The following BRINP3 variants were observed in gnomAD, a reference collection of about 807,000 sequenced individuals.
The protein encoded by BRINP3 is BMP/retinoic acid inducible neural specific 3.
A neutral mutation model predicts 71.0 loss-of-function variants in BRINP3; 19 were observed. That is an observed-to-expected ratio of 0.27 (90% confidence interval 0.19 to 0.39). The LOEUF is 0.39. BRINP3 is among the 10% of genes least tolerant of loss of function. The pLI is 1.00. For synonymous variants in BRINP3, 380 were observed against 337.7 expected (o/e 1.13, Z -1.37); for missense variants, 959 against 940.8 (o/e 1.02, Z -0.25).
At chr1:190,109,398 G>A (rs1652474031) in intron 7 of BRINP3, among the ~76,000 whole-genome samples, 1 of 152,170 alleles carries the variant, frequency 6.6e-6, no homozygotes, top group Non-Finnish European at 1.5e-5. Flanking sequence ...GTACTTACTA[G>A]AGTTCTGAGT....
intron 1 of BRINP3, among the ~76,000 whole-genome samples, chr1:190,468,798 A>T (rs2102697941): frequency 6.6e-6 from 1 of 151,212 alleles, no homozygotes; most frequent in South Asian, 2.1e-4. Flanking sequence ...GTTGCATAAA[A>T]CAATTAATTT....
At chr1:190,120,506 AT>A (rs1042784530) in intron 7 of BRINP3, among the ~76,000 whole-genome samples, 4 of 151,676 alleles carry the variant, frequency 2.6e-5, no homozygotes, top group Non-Finnish European at 1.5e-5. Flanking sequence ...TAATTAATTT[AT>A]TTTTTTGAGA....
At chr1:190,200,111 C>G (rs1480777103) in intron 6 of BRINP3, among the ~76,000 whole-genome samples, 2 of 152,080 alleles carry the variant, frequency 1.3e-5, no homozygotes, top group Admixed American at 1.3e-4. Context: ...TGTTTCCCTT[C>G]TTTGTAACAG....
chr1:190,156,784 A>G (rs1271214497), intron 7 of BRINP3, among the ~76,000 whole-genome samples: 1 of 152,046 alleles, frequency 6.6e-6, no homozygotes, highest in African/African-American at 2.4e-5. Context: ...GAAGTTTTGG[A>G]AAACAAAGAT....
chr1:190,155,154 T>C (rs1656754791), intron 7 of BRINP3, among the ~76,000 whole-genome samples: 2 of 152,124 alleles, frequency 1.3e-5, no homozygotes, highest in African/African-American at 2.4e-5. Flanking sequence ...AAAGAGCATA[T>C]ATAGGAGTGC....
chr1:190,429,640 G>T lies in BRINP3; in HGVS notation c.236+25015C>A, dbSNP rs573435607. On this transcript the variant is annotated intron_variant, in intron 2 of 7. Transcript: ENST00000367462. Reference sequence around the variant, plus strand: ...GAGTCTTGCTCTGTCACCCAGACTGGAGTGCAATGAGGAGATCTCAGCTCA... The same window carrying T: ...GAGTCTTGCTCTGTCACCCAGACTGTAGTGCAATGAGGAGATCTCAGCTCA... Among the ~76,000 whole-genome samples the T allele has an allele frequency of 1.1e-4, 16 of 149,674 alleles. No individual in the cohort carries two copies. In the South Asian group the frequency reaches 3.4e-3, roughly 32 times the overall value.
intron 6 of BRINP3, among the ~76,000 whole-genome samples, chr1:190,192,695 T>C (rs1654144835): frequency 6.6e-6 from 1 of 151,562 alleles, no homozygotes; most frequent in Non-Finnish European, 1.5e-5. Context: ...AAATTAGCAG[T>C]GTATTTTCTA....
intron 2 of BRINP3, among the ~76,000 whole-genome samples, chr1:190,429,280 A>C (rs1476858772): frequency 6.6e-6 from 1 of 152,174 alleles, no homozygotes; most frequent in Non-Finnish European, 1.5e-5. Flanking sequence ...TTCAGCATAG[A>C]CTGGAAAGAA....
chr1:190,200,294 C>T (rs545048601), intron 6 of BRINP3, among the ~76,000 whole-genome samples: 28 of 152,150 alleles, frequency 1.8e-4, no homozygotes, highest in African/African-American at 6.5e-4. Flanking sequence ...TTGTCTTATG[C>T]CTGGCTATGA....
intron 6 of BRINP3, among the ~76,000 whole-genome samples, chr1:190,171,340 C>T (rs12057206): frequency 0.12 from 18,803 of 152,118 alleles, 1,717 homozygotes; most frequent in South Asian, 0.25. Context: ...GAAAACACTT[C>T]ACACCCTTTA....
chr1:190,182,528 A>G (rs975566382), intron 6 of BRINP3, among the ~76,000 whole-genome samples: 1 of 151,904 alleles, frequency 6.6e-6, no homozygotes, highest in Non-Finnish European at 1.5e-5. Context: ...TCAATTTGGC[A>G]TTTATTTTAT....
chr1:190,305,048 CA>C (rs1664998199), intron 2 of BRINP3, among the ~76,000 whole-genome samples: 1 of 151,600 alleles, frequency 6.6e-6, no homozygotes, highest in South Asian at 2.1e-4. Context: ...AAACACAAAT[CA>C]AAACAATAAT....
chr1:190,399,341 A>G (rs1671782034), intron 2 of BRINP3, among the ~76,000 whole-genome samples: 1 of 152,012 alleles, frequency 6.6e-6, no homozygotes, highest in African/African-American at 2.4e-5. Flanking sequence ...CTTAGTTACT[A>G]AAGTAGCTGA....
intron 7 of BRINP3, among the ~76,000 whole-genome samples, chr1:190,116,585 C>T (rs1169501088): frequency 6.6e-6 from 1 of 151,976 alleles, no homozygotes; most frequent in Non-Finnish European, 1.5e-5. Flanking sequence ...AAATGTTCTT[C>T]CAATATCAGT....
At chr1:190,267,690 A>G (rs1661777394) in intron 3 of BRINP3, among the ~76,000 whole-genome samples, 1 of 152,092 alleles carries the variant, frequency 6.6e-6, no homozygotes, top group Non-Finnish European at 1.5e-5. Context: ...CTTCATGGAA[A>G]AAGAAAATTA....
intron 2 of BRINP3, among the ~76,000 whole-genome samples, chr1:190,351,292 AG>A (rs1297087649): frequency 6.6e-6 from 1 of 152,174 alleles, no homozygotes; most frequent in African/African-American, 2.4e-5. Flanking sequence ...TGGATACAGC[AG>A]GAAGAGTAAT....
chr1:190,156,067 C>A (rs558295526), intron 7 of BRINP3, among the ~76,000 whole-genome samples: 2 of 152,070 alleles, frequency 1.3e-5, no homozygotes, highest in South Asian at 4.2e-4. Context: ...TCAAGGAAAC[C>A]AAATTGTCGC....
At chr1:190,351,861 T>C (rs1439347496) in intron 2 of BRINP3, among the ~76,000 whole-genome samples, 2 of 152,076 alleles carry the variant, frequency 1.3e-5, no homozygotes, top group Non-Finnish European at 2.9e-5. Context: ...TAATTTTTTG[T>C]AAAAAATGCA....
intron 4 of BRINP3, among the ~76,000 whole-genome samples, chr1:190,257,222 T>G (rs1660743199): frequency 6.6e-6 from 1 of 152,198 alleles, no homozygotes; most frequent in East Asian, 1.9e-4. Flanking sequence ...TCTTCTTGCT[T>G]TATTTCATTA....
Sources: allele counts gnomAD v4.1 joint callset (sites outside exome capture counted in the v4.1 genomes callset), GRCh38; gene constraint gnomAD v4.1.1; transcripts MANE v1.5; gene names NCBI Gene and HGNC (gene_info 2026-07-23, HGNC 2026-07-21).